The following SCML4 variants were observed in gnomAD, a reference collection of about 807,000 sequenced individuals.
The protein encoded by SCML4 is sex comb on midleg-like protein 4.
Under a neutral mutation model 41.1 loss-of-function variants are expected in SCML4, and 34 were observed. The ratio of observed to expected loss-of-function variants is 0.83; its 90% CI spans 0.63 to 1.10. The LOEUF (loss-of-function observed/expected upper bound fraction) is 1.10, where lower values mean the gene tolerates loss of function less well. Ranked by LOEUF, SCML4 falls within the 50% of genes least tolerant of loss-of-function variation. The pLI, the probability that SCML4 is intolerant of heterozygous loss-of-function variation, is 0.00. For missense variants in SCML4, 522 were observed against 534.1 expected (o/e 0.98, Z 0.22); for synonymous variants, 214 against 220.9 (o/e 0.97, Z 0.28).
At chr6:107,825,797 C>T (rs112838449), upstream of SCML4, among the ~76,000 whole-genome samples, 2,073 of 151,596 alleles carry the variant, frequency 0.014, 45 homozygotes, top group African/African-American at 0.048. Context: ...ATTAGCTGGG[C>T]GTGGTGGCGG....
At chr6:107,748,903 T>A (rs1245587880) in intron 3 of SCML4, among the ~76,000 whole-genome samples, 1 of 152,120 alleles carries the variant, frequency 6.6e-6, no homozygotes, top group Non-Finnish European at 1.5e-5. Flanking sequence ...GAAGGGATGA[T>A]CACTCCAGAT....
intron 1 of SCML4, among the ~76,000 whole-genome samples, chr6:107,798,375 G>T (rs9486710): frequency 0.057 from 8,582 of 151,870 alleles, 713 homozygotes; most frequent in African/African-American, 0.18. Context: ...AAAATTTGTT[G>T]TGAATTTATT....
chr6:107,708,391 C>T (rs1773891322), intron 6 of SCML4, among the ~76,000 whole-genome samples: 2 of 152,102 alleles, frequency 1.3e-5, no homozygotes. Context: ...TACTTGGTGA[C>T]CAGGGCAAGT....
intron 1 of SCML4, among the ~76,000 whole-genome samples, chr6:107,806,641 G>C (rs1356466360): frequency 6.6e-6 from 1 of 152,184 alleles, no homozygotes; most frequent in African/African-American, 2.4e-5. Flanking sequence ...GAAGTGGCTG[G>C]CTTTGAGTAT....
At chr6:107,717,929 G>A (rs542837887) in intron 6 of SCML4, among the ~76,000 whole-genome samples, 66 of 152,334 alleles carry the variant, frequency 4.3e-4, no homozygotes, top group African/African-American at 1.3e-3. Context: ...AAAGGCAGCA[G>A]GCACAGGTGG....
chr6:107,784,421 C>T (rs1319416946), intron 1 of SCML4, among the ~76,000 whole-genome samples: 2 of 152,148 alleles, frequency 1.3e-5, no homozygotes, highest in East Asian at 1.9e-4. Flanking sequence ...TACACAGTGG[C>T]ATGTATAGCA....
At chr6:107,792,160 C>T (rs1782379907) in intron 1 of SCML4, among the ~76,000 whole-genome samples, 1 of 152,172 alleles carries the variant, frequency 6.6e-6, no homozygotes, top group African/African-American at 2.4e-5. Context: ...AAGGATAACA[C>T]TGTTGGGTAG....
intron 1 of SCML4, among the ~76,000 whole-genome samples, chr6:107,806,195 C>CT (rs72561581): frequency 6.6e-6 from 1 of 151,462 alleles, no homozygotes; most frequent in African/African-American, 2.4e-5. Context: ...TTCCCCCCCC[C>CT]CAATAAACAA....
At chr6:107,734,957 C>A (rs984747272) in intron 5 of SCML4, among the ~76,000 whole-genome samples, 1 of 152,158 alleles carries the variant, frequency 6.6e-6, no homozygotes, top group African/African-American at 2.4e-5. Context: ...CTCACAGCAA[C>A]CTCCACCTCC....
At chr6:107,782,415 G>T (rs1781576528) in intron 1 of SCML4, among the ~76,000 whole-genome samples, 1 of 152,196 alleles carries the variant, frequency 6.6e-6, no homozygotes, top group Admixed American at 6.5e-5. Context: ...GGTCCCGGGG[G>T]GCTGAGTGTG....
rs1013840107 is a variant in SCML4 at position 107,774,371 on chromosome 6, C to T, written c.-59-1985G>A. ...TAACTAAAGGTATCTTAAAGTCAATCAGTTAGGATGAGGGACTATAAGCTC... is the reference window on the plus strand; with the variant it reads ...TAACTAAAGGTATCTTAAAGTCAATTAGTTAGGATGAGGGACTATAAGCTC... On this transcript the variant is annotated intron_variant, in intron 1 of 7. Transcript: ENST00000369020. Among the ~76,000 whole-genome samples the T allele has an allele frequency of 3.9e-5, 6 of 152,102 alleles. No homozygotes were observed. The East Asian group carries it at 7.7e-4, about 20-fold the overall frequency.
At chr6:107,739,907 C>A (rs538452838) in intron 5 of SCML4, among the ~76,000 whole-genome samples, 5 of 152,182 alleles carry the variant, frequency 3.3e-5, no homozygotes, top group Admixed American at 3.3e-4. Flanking sequence ...GCTTACCATG[C>A]CATCGCTGCT....
intron 5 of SCML4, among the ~76,000 whole-genome samples, chr6:107,738,476 C>T (rs540640244): frequency 8.6e-5 from 13 of 152,040 alleles, no homozygotes; most frequent in African/African-American, 1.2e-4. Context: ...CAAAAATTAG[C>T]CAGGTGTGGT....
chr6:107,760,249 G>A (rs1779477930), intron 2 of SCML4, among the ~76,000 whole-genome samples: 1 of 152,128 alleles, frequency 6.6e-6, no homozygotes, highest in East Asian at 1.9e-4. Context: ...TACAAATAAT[G>A]AATAAATGCA....
intron 2 of SCML4, among the ~76,000 whole-genome samples, chr6:107,751,576 TTCTTTC>T (rs1778634530): frequency 1.1e-4 from 5 of 44,502 alleles, no homozygotes; most frequent in Admixed American, 9.2e-4. Flanking sequence ...TTAACAATCT[TTCTTTC>T]TTTCTTTCTT....
intron 6 of SCML4, among the ~76,000 whole-genome samples, chr6:107,712,424 C>A (rs1774314855): frequency 6.6e-6 from 1 of 152,118 alleles, no homozygotes; most frequent in African/African-American, 2.4e-5. Context: ...AGGGCTGAGC[C>A]AGGTGGCTGG....
upstream of SCML4, among the ~76,000 whole-genome samples, chr6:107,825,702 AG>A (rs1785222461): frequency 1.3e-5 from 2 of 151,976 alleles, no homozygotes; most frequent in Non-Finnish European, 2.9e-5. Context: ...GCACTTTGGG[AG>A]GCCAAGGCGG....
intron 1 of SCML4, among the ~76,000 whole-genome samples, chr6:107,782,232 G>T (rs1781559949): frequency 1.3e-5 from 2 of 152,328 alleles, no homozygotes; most frequent in South Asian, 4.1e-4. Flanking sequence ...AGTTTTCCTG[G>T]CCTGGCTCAG....
At chr6:107,807,814 G>A (rs1355795341) in intron 1 of SCML4, among the ~76,000 whole-genome samples, 1 of 152,224 alleles carries the variant, frequency 6.6e-6, no homozygotes, top group Admixed American at 6.5e-5. Flanking sequence ...TTCTTGTACG[G>A]AAAGGGGGCT....
Sources: allele counts gnomAD v4.1 joint callset (sites outside exome capture counted in the v4.1 genomes callset), GRCh38; gene constraint gnomAD v4.1.1; transcripts MANE v1.5; gene names NCBI Gene and HGNC (gene_info 2026-07-23, HGNC 2026-07-21).